Variants in USP45 observed in about 807,000 individuals in gnomAD.
USP45 encodes ubiquitin specific peptidase 45, also known as ubiquitin carboxyl-terminal hydrolase 45.
In USP45, 89 loss-of-function variants were observed where a neutral mutation model predicts 95.8. The observed-to-expected ratio is 0.93, with a 90% CI of 0.78 to 1.11. The LOEUF is 1.11. Among genes scored for constraint, USP45 ranks in the 50% least tolerant of loss-of-function variants. USP45 has a pLI of 0.00. For synonymous variants in USP45, 281 were observed against 316.2 expected (o/e 0.89, Z 1.18); for missense variants, 898 against 942.5 (o/e 0.95, Z 0.62).
chr6:99,512,137 T>C (rs957168400), intron 1 of USP45, among the ~76,000 whole-genome samples: 16 of 152,132 alleles, frequency 1.1e-4, no homozygotes, highest in Non-Finnish European at 8.8e-5. Context: ...ATTGGTTATG[T>C]CTCTTTAGTA....
In USP45 at chr6:99,435,716, T is replaced by G. The variant is rs1481580633; in HGVS notation, c.2445A>C (p.Ter815TyrextTer8). Residue 815 changes from the stop codon to tyrosine, a stop_lost, in exon 18 of 18, where the codon TAA (stop) becomes TAC (tyrosine). Transcript: ENST00000500704. ...CCTAAATAATCATTACCATTAATAG[T>G]TATAATACTCTTTCATAGAAAAGAA... Reference protein sequence around the residue: ...AYLLFYERVL* With the variant: ...AYLLFYERVLY 6.2e-7 allele frequency: 1 copy of G among 1,611,150 alleles called. No individual in the cohort carries two copies. The highest frequency in any genetic ancestry group is 8.5e-7 in the Non-Finnish European group (1 of 1,178,412).
intron 13 of USP45, among the ~76,000 whole-genome samples, chr6:99,452,276 C>T (rs1221563291): frequency 6.6e-6 from 1 of 152,080 alleles, no homozygotes; most frequent in Non-Finnish European, 1.5e-5. Context: ...TTGCAACCTA[C>T]TCATGTGACA....
intron 13 of USP45, among the ~76,000 whole-genome samples, chr6:99,449,444 G>C (rs997471399): frequency 3.3e-5 from 5 of 152,104 alleles, no homozygotes; most frequent in Non-Finnish European, 7.4e-5. Context: ...ATGGTAAAGG[G>C]ATCAATTCAA....
At chr6:99,516,177 C>T (rs1157629158), upstream of USP45, among the ~76,000 whole-genome samples, 1 of 152,002 alleles carries the variant, frequency 6.6e-6, no homozygotes, top group Non-Finnish European at 1.5e-5. Flanking sequence ...TCTTACCTAT[C>T]CTTCTCTCTT....
At chr6:99,502,007 G>T (rs1363855741) in intron 5 of USP45, 9 of 1,299,508 alleles carry the variant, frequency 6.9e-6, no homozygotes, top group Non-Finnish European at 9.1e-6. Context: ...ATGGGGCCTG[G>T]CCCTGCCAGA....
intron 13 of USP45, among the ~76,000 whole-genome samples, chr6:99,448,632 C>T (rs867725793): frequency 6.6e-6 from 1 of 152,190 alleles, no homozygotes; most frequent in African/African-American, 2.4e-5. Context: ...ACTTCCCCAA[C>T]ATAGCAAGGC....
chr6:99,502,702 G>A (rs1165533004), intron 5 of USP45, among the ~76,000 whole-genome samples: 1 of 152,220 alleles, frequency 6.6e-6, no homozygotes, highest in African/African-American at 2.4e-5. Context: ...GGCCTGATGG[G>A]AAGTGACTGG....
At chr6:99,465,408 T>TA (rs1442433545) in intron 11 of USP45, among the ~76,000 whole-genome samples, 1 of 152,118 alleles carries the variant, frequency 6.6e-6, no homozygotes, top group African/African-American at 2.4e-5. Context: ...AAAAACTGTT[T>TA]AATAAAACAG....
At chr6:99,477,952 T>TA (rs1345331901) in intron 8 of USP45, among the ~76,000 whole-genome samples, 1 of 152,148 alleles carries the variant, frequency 6.6e-6, no homozygotes, top group African/African-American at 2.4e-5. Flanking sequence ...ACCCTATACT[T>TA]ATGCTGTATA....
intron 13 of USP45, among the ~76,000 whole-genome samples, chr6:99,447,619 T>G (rs186915176): frequency 5.8e-4 from 88 of 152,224 alleles, no homozygotes; most frequent in African/African-American, 2.0e-3. Context: ...ACCTCTGGGG[T>G]CAGGGCACAG....
intron 13 of USP45, among the ~76,000 whole-genome samples, chr6:99,456,170 G>A (rs1785046100): frequency 1.4e-5 from 2 of 146,112 alleles, no homozygotes; most frequent in Non-Finnish European, 3.0e-5. Flanking sequence ...TCTCATGAAA[G>A]TAGAGAGTAG....
Position 99,464,632 on chromosome 6 carries a change from GC to G in USP45, c.1279del (p.Ala427ProfsTer13), listed in dbSNP as rs764599110. On this transcript the variant is annotated frameshift_variant, in exon 13 of 18. Coordinates refer to ENST00000500704, the MANE Select transcript of USP45 (RefSeq NM_001346022.3). LOFTEE classifies it high-confidence loss of function. ...TIENIHQPRA[A>X]KKHSSSKDKS... The stretch of plus-strand genomic sequence containing the variant: ...ATCTTTAGATGAAGAATGCTTCTTG[GC>G]AGCTCTAGGTTGATGAATATTTTCT... 1.9e-5 allele frequency: 31 copies of G among 1,612,744 alleles called. No individual in the cohort carries two copies. In the Admixed American group the frequency reaches 2.7e-4, roughly 14 times the overall value.
chr6:99,466,805 A>G, intron 10 of USP45, 42 bp from the exon 11 acceptor site: 1 of 1,485,766 alleles, frequency 6.7e-7, no homozygotes, highest in Non-Finnish European at 9.4e-7. Context: ...CATGTCAACC[A>G]TCCATCTAGC....
At chr6:99,493,601 G>T (rs957648829) in intron 5 of USP45, among the ~76,000 whole-genome samples, 1 of 152,126 alleles carries the variant, frequency 6.6e-6, no homozygotes, top group Non-Finnish European at 1.5e-5. Context: ...GGGTTCAAAT[G>T]ATTCTCCTGT....
chr6:99,485,433 T>C (rs1185612744), intron 7 of USP45, among the ~76,000 whole-genome samples: 1 of 152,136 alleles, frequency 6.6e-6, no homozygotes, highest in Non-Finnish European at 1.5e-5. Context: ...ATTTCACACA[T>C]AATGTTGACA....
At chr6:99,473,351 C>A (rs1030919749) in intron 9 of USP45, among the ~76,000 whole-genome samples, 4 of 151,538 alleles carry the variant, frequency 2.6e-5, no homozygotes, top group Non-Finnish European at 5.9e-5. Flanking sequence ...ACAAGCCTGG[C>A]CAAAGTGGTA....
intron 9 of USP45, among the ~76,000 whole-genome samples, chr6:99,472,729 G>C (rs1789759708): frequency 6.6e-6 from 1 of 152,068 alleles, no homozygotes. Flanking sequence ...TCAACAAGAA[G>C]AGCAATATAC....
chr6:99,492,589 G>T (rs1476780867), intron 5 of USP45, among the ~76,000 whole-genome samples: 1 of 151,720 alleles, frequency 6.6e-6, no homozygotes, highest in African/African-American at 2.4e-5. Context: ...CCGCCTCCCA[G>T]GTACAAGTGA....
intron 15 of USP45, among the ~76,000 whole-genome samples, chr6:99,441,601 A>G (rs1781539503): frequency 6.6e-6 from 1 of 152,170 alleles, no homozygotes; most frequent in Non-Finnish European, 1.5e-5. Flanking sequence ...AGGTGTTACC[A>G]ACTTACACTC....
Sources: allele counts gnomAD v4.1 joint callset (sites outside exome capture counted in the v4.1 genomes callset), GRCh38; gene constraint gnomAD v4.1.1; transcripts MANE v1.5; gene names NCBI Gene and HGNC (gene_info 2026-07-23, HGNC 2026-07-21).